PIK3C3: variants seen among roughly 807,000 people sequenced by gnomAD.
The protein encoded by PIK3C3 is phosphatidylinositol 3-kinase catalytic subunit type 3.
In PIK3C3, 95 loss-of-function variants were observed where a neutral mutation model predicts 126.1. The observed-to-expected ratio is 0.75, with a 90% CI of 0.64 to 0.89. PIK3C3 has a LOEUF of 0.89. PIK3C3 is among the 40% of genes least tolerant of loss of function. PIK3C3 has a pLI of 0.00. For missense variants in PIK3C3, 829 were observed against 1,063.2 expected, an observed-to-expected ratio of 0.78 and a Z score of 3.06; for synonymous variants, 374 against 360.0, an observed-to-expected ratio of 1.04 and a Z score of -0.44.
Position 42,082,587 on chromosome 18 carries a change from T to G in PIK3C3, c.*1450T>G, listed in dbSNP as rs1986288095. On this transcript the variant is annotated 3_prime_UTR_variant, in exon 25 of 25. Coordinates refer to ENST00000262039, the MANE Select transcript of PIK3C3 (RefSeq NM_002647.4). ...TGTCTTTTTTGTTATTAGTCAGACA[T>G]TTTTAGCCCTCTGTATGCTCATTCT... 6.6e-6 allele frequency: 1 copy of G among 152,198 alleles called. No individual in the cohort carries two copies. Among genetic ancestry groups the G allele is most frequent in the Non-Finnish European group, 1.5e-5 (1 of 68,030 alleles). The allele number at this position is 152,198 out of a possible 1,614,324, so 9.4% of individuals were successfully genotyped here.
intron 7 of PIK3C3, 77 bp from the exon 8 acceptor site, chr18:41,995,813 C>G: frequency 2.0e-6 from 2 of 1,001,192 alleles, no homozygotes; most frequent in South Asian, 2.7e-5. Context: ...TCCTAAGTAC[C>G]TTTTCTATTT....
intron 21 of PIK3C3, among the ~76,000 whole-genome samples, chr18:42,054,973 A>G (rs1015858623): frequency 4.6e-5 from 7 of 151,736 alleles, no homozygotes; most frequent in Non-Finnish European, 7.4e-5. Context: ...GACTCATACT[A>G]TTAGAGAGAA....
chr18:42,057,854 A>C, intron 21 of PIK3C3, 29 bp from the exon 22 acceptor site: 1 of 1,609,606 alleles, frequency 6.2e-7, no homozygotes. Context: ...ATAATTCTGG[A>C]AACAAATGAG....
chr18:42,080,102 C>T (rs902511038), intron 24 of PIK3C3, among the ~76,000 whole-genome samples: 1 of 152,022 alleles, frequency 6.6e-6, no homozygotes, highest in Non-Finnish European at 1.5e-5. Context: ...ATCTGAGACA[C>T]TTCCTGGCAC....
At chr18:42,011,977 A>G (rs973723066) in intron 10 of PIK3C3, among the ~76,000 whole-genome samples, 1 of 152,178 alleles carries the variant, frequency 6.6e-6, no homozygotes, top group Non-Finnish European at 1.5e-5. Flanking sequence ...CTATATGGGT[A>G]TGCTTTGTGG....
intron 22 of PIK3C3, among the ~76,000 whole-genome samples, chr18:42,062,508 A>C (rs988686798): frequency 6.6e-6 from 1 of 152,104 alleles, no homozygotes. Flanking sequence ...GTATAGCCCA[A>C]GACAATTCTT....
chr18:42,006,947 T>A (rs1192667287), intron 10 of PIK3C3, among the ~76,000 whole-genome samples: 1 of 146,566 alleles, frequency 6.8e-6, no homozygotes, highest in Non-Finnish European at 1.5e-5. Flanking sequence ...CACTGAAAGC[T>A]CTGCCTCCCA....
chr18:42,003,687 A>C (rs1982400960), intron 9 of PIK3C3, among the ~76,000 whole-genome samples: 1 of 152,330 alleles, frequency 6.6e-6, no homozygotes, highest in African/African-American at 2.4e-5. Context: ...TGTGCTGCCT[A>C]TTCAAGGGAG....
At chr18:41,985,372 A>G (rs1373404909) in intron 4 of PIK3C3, among the ~76,000 whole-genome samples, 1 of 152,174 alleles carries the variant, frequency 6.6e-6, no homozygotes, top group Admixed American at 6.6e-5. Flanking sequence ...TGTGGAAATC[A>G]TAAAATTAGC....
rs1980603214 is a variant in PIK3C3, at chr18:41,970,405, T to A, written c.480T>A (p.Pro160=). The change falls in exon 4 of 25, where the codon CCT becomes CCA. Residue 160 remains proline, a synonymous_variant. Coordinates refer to ENST00000262039, the MANE Select transcript of PIK3C3 (RefSeq NM_002647.4). ...ATGGATCAGAACCCACAAAAACTCCTGGCAGAACAAGTAGCACTCTCTCAG... is the reference window on the plus strand; with the variant it reads ...ATGGATCAGAACCCACAAAAACTCCAGGCAGAACAAGTAGCACTCTCTCAG... ...EADGSEPTKT[P]GRTSSTLSED... is the part of the protein sequence containing the mutation. 1 of 1,613,960 alleles carries A rather than the reference T, an allele frequency of 6.2e-7. No homozygotes were observed. The highest frequency in any genetic ancestry group is 8.5e-7 in the Non-Finnish European group (1 of 1,179,880).
Position 42,006,912 on chromosome 18 carries a change from G to A in PIK3C3, c.1170+2371G>A, listed in dbSNP as rs113559069. 3.1e-3 allele frequency among the ~76,000 whole-genome samples: 422 copies of A among 135,100 alleles called. 4 individuals are homozygous for A. Among genetic ancestry groups the A allele is most frequent in the Middle Eastern group, 0.011 (2 of 190 alleles). 88.6% of individuals were successfully genotyped at this position (135,100 alleles called of 152,430 possible). On this transcript the variant is annotated intron_variant, in intron 10 of 24. Coordinates refer to ENST00000262039, the MANE Select transcript of PIK3C3 (RefSeq NM_002647.4). ...GGAGTCTTGCTCTGTCTCCTAGGCT[G>A]GAATGCAGTGGCGTGATCTCAGCTC...
intron 14 of PIK3C3, among the ~76,000 whole-genome samples, chr18:42,028,066 C>T (rs776357594): frequency 2.0e-5 from 3 of 152,160 alleles, no homozygotes; most frequent in South Asian, 2.1e-4. Flanking sequence ...GAATCATACT[C>T]ATTTGTTTTT....
At chr18:42,065,196 T>C (rs562737604) in intron 23 of PIK3C3, among the ~76,000 whole-genome samples, 2 of 152,276 alleles carry the variant, frequency 1.3e-5, no homozygotes, top group African/African-American at 4.8e-5. Flanking sequence ...ATGTCTATTA[T>C]CTCTCTTTTT....
Position 42,060,818 on chromosome 18 carries a change from A to G in PIK3C3, c.2432+2767A>G, listed in dbSNP as rs549571041. On this transcript the variant is annotated intron_variant, in intron 22 of 24. Coordinates refer to ENST00000262039, the MANE Select transcript of PIK3C3 (RefSeq NM_002647.4). The stretch of plus-strand genomic sequence containing the variant: ...TTTAAAAAAATGTGTTTAACTATCA[A>G]GTAAGGTTCTCATATTGTCTCAGAG... Among the ~76,000 whole-genome samples the G allele has an allele frequency of 3.3e-5, 5 of 152,268 alleles. No homozygotes were observed. The East Asian group carries it at 7.7e-4, about 23-fold the overall frequency.
chr18:42,004,925 T>C (rs1598887303), intron 10 of PIK3C3, among the ~76,000 whole-genome samples: 1 of 152,308 alleles, frequency 6.6e-6, no homozygotes, highest in South Asian at 2.1e-4. Context: ...CCACATTTAA[T>C]TGTAGCCTTG....
chr18:42,041,473 T>C (rs1187252787), intron 19 of PIK3C3, among the ~76,000 whole-genome samples: 2 of 150,066 alleles, frequency 1.3e-5, no homozygotes, highest in South Asian at 2.1e-4. Flanking sequence ...GACAAAGTAA[T>C]GTATATGTTT....
At chr18:42,080,137 G>A (rs1459740807) in intron 24 of PIK3C3, among the ~76,000 whole-genome samples, 4 of 152,104 alleles carry the variant, frequency 2.6e-5, no homozygotes, top group Non-Finnish European at 5.9e-5. Flanking sequence ...ATAAACATAT[G>A]TGGTTTTATA....
intron 10 of PIK3C3, among the ~76,000 whole-genome samples, chr18:42,009,192 A>T (rs2144393640): frequency 6.6e-6 from 1 of 152,328 alleles, no homozygotes; most frequent in African/African-American, 2.4e-5. Context: ...TCAGATGTTT[A>T]TTGCTCCAAT....
At chr18:42,025,303 A>T (rs1983516583) in intron 13 of PIK3C3, 1 of 152,236 alleles carries the variant, frequency 6.6e-6, no homozygotes, top group African/African-American at 2.4e-5. Context: ...TTTAACAATG[A>T]AGGGTAGAAG....
Sources: allele counts gnomAD v4.1 joint callset (sites outside exome capture counted in the v4.1 genomes callset), GRCh38; gene constraint gnomAD v4.1.1; transcripts MANE v1.5; gene names NCBI Gene and HGNC (gene_info 2026-07-23, HGNC 2026-07-21).